MTMR9: variants seen among roughly 807,000 people sequenced by gnomAD.
The protein encoded by MTMR9 is myotubularin related protein 9.
A neutral mutation model predicts 69.5 loss-of-function variants in MTMR9; 39 were observed. That is an observed-to-expected ratio of 0.56 (90% CI 0.43 to 0.73). MTMR9 has a LOEUF of 0.73. Ranked by LOEUF, MTMR9 falls within the 30% of genes least tolerant of loss-of-function variation. The pLI is 0.00. For synonymous variants in MTMR9, 354 were observed against 240.8 expected (o/e 1.47, Z -4.35); for missense variants, 900 against 671.2 (o/e 1.34, Z -3.77).
At chr8:11,295,328 A>G (rs376072100) in intron 2 of MTMR9, 26 bp downstream of exon 2, 126 of 1,231,266 alleles carry the variant, frequency 1.0e-4, no homozygotes, top group Non-Finnish European at 1.5e-4. Context: ...GCAAAATCTA[A>G]TGAAACATAA....
chr8:11,334,669 A>T, the MTMR9 span, among the ~76,000 whole-genome samples: 1 of 152,128 alleles, frequency 6.6e-6, no homozygotes, highest in Non-Finnish European at 1.5e-5. Context: ...CTTATCAGTG[A>T]TTACATTAAA....
chr8:11,328,360 T>C (rs542071167), downstream of MTMR9, among the ~76,000 whole-genome samples: 2 of 150,720 alleles, frequency 1.3e-5, no homozygotes, highest in African/African-American at 4.9e-5. Context: ...TGTGTGTGTG[T>C]GTGTGTGTGT....
intron 9 of MTMR9, chr8:11,321,235 T>A (rs2117462073): frequency 2.9e-6 from 1 of 347,292 alleles, no homozygotes; most frequent in Non-Finnish European, 5.7e-6. Flanking sequence ...GGTGTGAGCT[T>A]TAGTGCTTTG....
chr8:11,287,777 T>A (rs1253599066), intron 1 of MTMR9, among the ~76,000 whole-genome samples: 1 of 120,174 alleles, frequency 8.3e-6, no homozygotes, highest in Non-Finnish European at 1.6e-5. Flanking sequence ...ATTATATATT[T>A]ATTATATATT....
intron 5 of MTMR9, among the ~76,000 whole-genome samples, chr8:11,306,675 G>C (rs530695513): frequency 1.3e-5 from 2 of 152,048 alleles, no homozygotes; most frequent in African/African-American, 4.8e-5. Context: ...CTATCACGTC[G>C]CATAGTTATC....
At chr8:11,331,203 C>T (rs776998704), downstream of MTMR9, 1 of 1,613,980 alleles carries the variant, frequency 6.2e-7, no homozygotes, top group Admixed American at 1.7e-5. Flanking sequence ...GCGCTGCCAG[C>T]CCTCTGGTGC....
chr8:11,338,425 G>C, the MTMR9 span, among the ~76,000 whole-genome samples: 5 of 152,206 alleles, frequency 3.3e-5, no homozygotes, highest in Non-Finnish European at 7.3e-5. Context: ...TAGGGGAAGT[G>C]GCTCTATTGA....
chr8:11,322,891 G>A lies in MTMR9; in HGVS notation c.*103G>A. On this transcript the variant is annotated 3_prime_UTR_variant, in exon 10 of 10. Coordinates refer to ENST00000221086, the MANE Select transcript of MTMR9 (RefSeq NM_015458.4). ...TTTACACGGTAGCCTTGAAGTGAAG[G>A]CTTTAGATGTGGGACCCCCCTAATG... 1 of 1,050,446 alleles carries A rather than the reference G, an allele frequency of 9.5e-7. No homozygotes were observed. The allele number at this position is 1,050,446 out of a possible 1,614,324, so 65.1% of individuals were successfully genotyped here. A position where few individuals can be genotyped will look rare whatever the true frequency, so the allele number is the denominator to read the frequency against.
intron 1 of MTMR9, chr8:11,285,382 A>C (rs560777139): frequency 5.8e-5 from 15 of 256,606 alleles, no homozygotes; most frequent in African/African-American, 3.3e-4. Context: ...TTCTTGCCCC[A>C]TCGTATTCCT....
intron 1 of MTMR9, among the ~76,000 whole-genome samples, chr8:11,294,546 G>T (rs559957705): frequency 2.2e-5 from 3 of 133,908 alleles, no homozygotes; most frequent in African/African-American, 9.7e-5. Flanking sequence ...CTGTCACCTA[G>T]GCTGGAGTGC....
Position 11,290,688 on chromosome 8 carries a change from A to C in MTMR9, c.183-4506A>C, listed in dbSNP as rs10111339. Among the ~76,000 whole-genome samples, 35 of 152,204 alleles carry C rather than the reference A, an allele frequency of 2.3e-4. 1 individual carries two copies. In the East Asian group the frequency reaches 5.4e-3, roughly 24 times the overall value. On this transcript the variant is annotated intron_variant, in intron 1 of 9. Transcript: ENST00000221086. ...AGTTTTCTTAATCCCATCACGTGAC[A>C]ACCCAACCTTGGCTGGTTTATGTCA...
At position 11,300,151 on chromosome 8, in the gene MTMR9, G is replaced by A. The variant is rs1799702712; in HGVS notation, c.417+3G>A. 2 of 1,612,152 alleles carry A rather than the reference G, an allele frequency of 1.2e-6. No individual in the cohort carries two copies. Among genetic ancestry groups the A allele is most frequent in the African/African-American group, 1.3e-5 (1 of 74,822 alleles). On this transcript the variant is annotated splice_donor_region_variant and intron_variant, in intron 3 of 9. Transcript: ENST00000221086. ...AATTTGAACTCTATTCTTCAGCTGTGAGTTAACTTTTGAGAACTGTGGATT... is the reference window on the plus strand; with the variant it reads ...AATTTGAACTCTATTCTTCAGCTGTAAGTTAACTTTTGAGAACTGTGGATT...
intron 2 of MTMR9, 23 bp downstream of exon 2, chr8:11,295,325 C>A (rs746239641): frequency 3.2e-6 from 4 of 1,249,860 alleles, no homozygotes; most frequent in Non-Finnish European, 4.7e-6. Flanking sequence ...GAAGCAAAAT[C>A]TAATGAAACA....
chr8:11,307,989 C>A (rs950409358), intron 5 of MTMR9, among the ~76,000 whole-genome samples: 4 of 152,272 alleles, frequency 2.6e-5, no homozygotes, highest in Non-Finnish European at 4.4e-5. Flanking sequence ...TCTCCCATTC[C>A]ATAGGTTGTC....
At chr8:11,330,354 C>A (rs1392915901), downstream of MTMR9, among the ~76,000 whole-genome samples, 1 of 151,994 alleles carries the variant, frequency 6.6e-6, no homozygotes, top group Non-Finnish European at 1.5e-5. Flanking sequence ...GGCGCCTCTG[C>A]CCGGCTGCCC....
At chr8:11,321,342 G>A (rs1428491410) in intron 9 of MTMR9, 1 of 452,830 alleles carries the variant, frequency 2.2e-6, no homozygotes, top group South Asian at 1.6e-5. Context: ...TTAAACGAGA[G>A]GTTACAGTAT....
intron 8 of MTMR9, chr8:11,317,484 C>T (rs1800474622): frequency 6.6e-6 from 1 of 152,196 alleles, no homozygotes; most frequent in Admixed American, 6.5e-5. Context: ...CCCACATGCG[C>T]AGCTCACAGT....
intron 1 of MTMR9, among the ~76,000 whole-genome samples, chr8:11,288,965 G>A (rs1257918200): frequency 6.6e-6 from 1 of 152,150 alleles, no homozygotes; most frequent in Non-Finnish European, 1.5e-5. Context: ...CTGAGGTCAG[G>A]AGTTCGACAC....
rs776106544 is a variant in MTMR9, at chr8:11,285,064, A to G, written c.176A>G (p.Asp59Gly). 23 of 1,604,100 alleles carry G rather than the reference A, an allele frequency of 1.4e-5. No homozygotes were observed. Among genetic ancestry groups the G allele is most frequent in the Non-Finnish European group, 1.8e-5 (21 of 1,174,554 alleles). Residue 59 changes from aspartate (D) to glycine (G), a missense_variant, in exon 1 of 10, where the codon GAC (aspartate) becomes GGC (glycine). By Grantham distance (94) the Asp-to-Gly change is moderately conservative (BLOSUM62 -1). Transcript: ENST00000221086. ...WLLHSNIDAIDKRFVGSLGTI... is the reference protein window; with the variant it reads ...WLLHSNIDAIGKRFVGSLGTI... ...CTCCATTCAAACATCGACGCCATCG[A>G]CAAGCGGTGAGTGCCCGCCCCACCC...
Sources: allele counts gnomAD v4.1 joint callset (sites outside exome capture counted in the v4.1 genomes callset), GRCh38; gene constraint gnomAD v4.1.1; transcripts MANE v1.5; gene names NCBI Gene and HGNC (gene_info 2026-07-23, HGNC 2026-07-21).